SOX5: variants seen among roughly 807,000 people sequenced by gnomAD.
SOX5 encodes the protein SRY-box transcription factor 5.
A neutral mutation model predicts 92.0 loss-of-function variants in SOX5; 9 were observed. That is an observed-to-expected ratio of 0.10 (90% confidence interval 0.06 to 0.17). The LOEUF is 0.17. Among genes scored for constraint, SOX5 ranks in the 10% least tolerant of loss-of-function variants. The probability of loss-of-function intolerance (pLI) is 1.00; values close to 1 mark genes in which losing one functional copy is unlikely to be tolerated. For synonymous variants in SOX5, 344 were observed against 336.3 expected (o/e 1.02, Z -0.25); for missense variants, 642 against 944.5 (o/e 0.68, Z 4.20).
intron 3 of SOX5, among the ~76,000 whole-genome samples, chr12:23,843,945 A>G (rs538250753): frequency 6.6e-6 from 1 of 152,310 alleles, no homozygotes; most frequent in African/African-American, 2.4e-5. Context: ...AGGAAGCACA[A>G]TATTTTAAAA....
chr12:24,038,506 T>G (rs561165963), intron 4 of SOX5, among the ~76,000 whole-genome samples: 178 of 152,268 alleles, frequency 1.2e-3, no homozygotes, highest in Middle Eastern at 3.4e-3. Context: ...AGCAAATTAA[T>G]TACACAACCA....
intron 2 of SOX5, among the ~76,000 whole-genome samples, chr12:23,856,329 T>C (rs1198623038): frequency 6.6e-6 from 1 of 152,164 alleles, no homozygotes; most frequent in East Asian, 1.9e-4. Context: ...CACCTTTACA[T>C]TATTAGGCAT....
At chr12:23,948,149 AT>A (rs1037317450) in intron 1 of SOX5, among the ~76,000 whole-genome samples, 2 of 151,980 alleles carry the variant, frequency 1.3e-5, no homozygotes, top group Non-Finnish European at 2.9e-5. Flanking sequence ...AGAAGTGAAA[AT>A]TTTAATTCAA....
intron 1 of SOX5, among the ~76,000 whole-genome samples, chr12:24,484,262 G>A (rs748723036): frequency 1.3e-5 from 2 of 152,090 alleles, no homozygotes; most frequent in Admixed American, 6.6e-5. Flanking sequence ...GGTTTACTAG[G>A]AAGGCATAAT....
At chr12:24,442,597 A>T (rs1940811939) in intron 1 of SOX5, among the ~76,000 whole-genome samples, 1 of 152,232 alleles carries the variant, frequency 6.6e-6, no homozygotes, top group African/African-American at 2.4e-5. Context: ...TGAGAAAGTC[A>T]CATTGCACAA....
rs146280922 is a variant in SOX5, at chr12:23,903,355, C to T, written c.39-7331G>A. Among the ~76,000 whole-genome samples, 686 of 152,240 alleles carry T rather than the reference C, an allele frequency of 4.5e-3. 5 individuals are homozygous for T. The highest frequency in any genetic ancestry group is 0.015 in the African/African-American group (616 of 41,530). ...ATTCTAGCACTTTAGGAGACCAAGG[C>T]AGGAAGATTCCTTGAGCCCTGGAAT... is the stretch of plus-strand genomic sequence containing the variant. On this transcript the variant is annotated intron_variant, in intron 1 of 14. Transcript: ENST00000451604.
chr12:23,769,850 A>G (rs1157258908), intron 3 of SOX5, among the ~76,000 whole-genome samples: 1 of 152,096 alleles, frequency 6.6e-6, no homozygotes, highest in African/African-American at 2.4e-5. Context: ...ACCTCCATAC[A>G]ATATTTTATT....
chr12:24,428,073 C>T (rs1298009167), intron 1 of SOX5, among the ~76,000 whole-genome samples: 1 of 151,656 alleles, frequency 6.6e-6, no homozygotes, highest in Admixed American at 6.6e-5. Flanking sequence ...TAAAATTCAT[C>T]TTTCAGCTTT....
At chr12:24,290,265 A>G (rs1263143319) in intron 2 of SOX5, among the ~76,000 whole-genome samples, 1 of 152,206 alleles carries the variant, frequency 6.6e-6, no homozygotes, top group Non-Finnish European at 1.5e-5. Flanking sequence ...TATCTTAGTC[A>G]GTAAACAGAG....
chr12:24,348,049 C>CAAAAAAAAAA (rs1182462748), intron 2 of SOX5, among the ~76,000 whole-genome samples: 29 of 72,722 alleles, frequency 4.0e-4, no homozygotes, highest in African/African-American at 5.7e-4. Context: ...TACAGCTAAT[C>CAAAAAAAAAA]AAAAAAAAAA....
chr12:24,033,487 C>T (rs1490341942), intron 4 of SOX5, among the ~76,000 whole-genome samples: 1 of 151,884 alleles, frequency 6.6e-6, no homozygotes, highest in African/African-American at 2.4e-5. Flanking sequence ...TTCAGTTCCA[C>T]AATGCTATTT....
chr12:23,599,724 GATA>G (rs1359889844), intron 9 of SOX5, among the ~76,000 whole-genome samples: 1 of 152,152 alleles, frequency 6.6e-6, no homozygotes, highest in African/African-American at 2.4e-5. Flanking sequence ...AGGACTTCTT[GATA>G]ACACAGAACT....
intron 2 of SOX5, among the ~76,000 whole-genome samples, chr12:24,365,014 G>A (rs1393409421): frequency 6.6e-6 from 1 of 151,926 alleles, no homozygotes; most frequent in Admixed American, 6.6e-5. Context: ...TTAATTGGTA[G>A]GGGAAAAATG....
intron 3 of SOX5, among the ~76,000 whole-genome samples, chr12:23,766,418 T>A (rs190042478): frequency 8.5e-5 from 13 of 152,206 alleles, no homozygotes; most frequent in Non-Finnish European, 1.5e-4. Flanking sequence ...GTCAAAATCA[T>A]AGGAGGCTTT....
intron 1 of SOX5, among the ~76,000 whole-genome samples, chr12:23,930,926 C>T (rs1323959203): frequency 6.6e-6 from 1 of 151,736 alleles, no homozygotes; most frequent in Non-Finnish European, 1.5e-5. Context: ...GATTAGGACT[C>T]CTTGTGTTCT....
At chr12:24,169,067 T>C (rs1297586897) in intron 4 of SOX5, among the ~76,000 whole-genome samples, 6 of 152,144 alleles carry the variant, frequency 3.9e-5, no homozygotes, top group African/African-American at 9.7e-5. Context: ...TGAAACTACA[T>C]TGTAGAAGAA....
At position 23,740,893 on chromosome 12, in the gene SOX5, C is replaced by A; in HGVS notation, c.715G>T (p.Glu239Ter). Residue 239 changes from glutamate to a stop codon, truncating the protein, a stop_gained, in exon 5 of 15, where the codon GAG (glutamate) becomes TAG (stop). Coordinates refer to ENST00000451604, the MANE Select transcript of SOX5 (RefSeq NM_006940.6). LOFTEE classifies it high-confidence loss of function. ...TGTTCTTGTTGCTGCTTGGCCAGCT[C>A]CATTTGCTGACGCTGTTTCTCAATC... ...SQIEKQRQQM[E>*]LAKQQQEQIA... 6.2e-7 allele frequency: 1 copy of A among 1,612,252 alleles called. No individual in the cohort carries two copies.
At chr12:23,828,481 T>C (rs971913122) in intron 3 of SOX5, among the ~76,000 whole-genome samples, 2 of 152,202 alleles carry the variant, frequency 1.3e-5, no homozygotes, top group Non-Finnish European at 2.9e-5. Flanking sequence ...GGTCAGTGTT[T>C]TAGAATTTAC....
At chr12:24,407,194 A>G (rs1265902348) in intron 1 of SOX5, among the ~76,000 whole-genome samples, 1 of 152,170 alleles carries the variant, frequency 6.6e-6, no homozygotes, top group Non-Finnish European at 1.5e-5. Flanking sequence ...GAAGAAACTA[A>G]GAGAAGGAGA....
Sources: gnomAD v4.1 joint callset for allele counts (sites outside exome capture counted in the v4.1 genomes callset) on GRCh38, gnomAD v4.1.1 for gene constraint, MANE v1.5 for transcripts, NCBI Gene and HGNC (gene_info 2026-07-23, HGNC 2026-07-21) for gene names.